The following PTPRT variants were observed in gnomAD, a reference collection of about 807,000 sequenced individuals.
The protein encoded by PTPRT is protein tyrosine phosphatase receptor type T.
Under a neutral mutation model 176.8 loss-of-function variants are expected in PTPRT, and 56 were observed. The observed-to-expected ratio is 0.32, with a 90% confidence interval of 0.26 to 0.40. PTPRT has a LOEUF of 0.40. Ranked by LOEUF, PTPRT falls within the 10% of genes least tolerant of loss-of-function variation. PTPRT has a pLI of 1.00. For synonymous variants in PTPRT, 783 were observed against 739.0 expected, an observed-to-expected ratio of 1.06 and a Z score of -0.96; for missense variants, 1,540 against 1,908.2, an observed-to-expected ratio of 0.81 and a Z score of 3.60.
At chr20:42,167,715 C>G (rs1038015886) in intron 16 of PTPRT, among the ~76,000 whole-genome samples, 2 of 152,208 alleles carry the variant, frequency 1.3e-5, no homozygotes, top group Non-Finnish European at 2.9e-5. Context: ...CTGGAACCAA[C>G]ACTGTGGGGA....
chr20:42,399,796 C>A (rs1175007419), intron 9 of PTPRT, among the ~76,000 whole-genome samples: 7 of 152,192 alleles, frequency 4.6e-5, no homozygotes, highest in African/African-American at 7.2e-5. Flanking sequence ...AGTACTACAA[C>A]AATGTGGGTT....
At chr20:42,160,291 G>T (rs2146497848) in intron 17 of PTPRT, among the ~76,000 whole-genome samples, 1 of 152,320 alleles carries the variant, frequency 6.6e-6, no homozygotes, top group East Asian at 1.9e-4. Flanking sequence ...TTCAAAGCTG[G>T]CTGCAGCTGG....
intron 2 of PTPRT, among the ~76,000 whole-genome samples, chr20:42,873,861 T>C (rs949532391): frequency 6.6e-5 from 10 of 152,220 alleles, no homozygotes; most frequent in African/African-American, 2.4e-4. Context: ...ATCTCAGCCA[T>C]CTTGTTTTTA....
chr20:42,444,697 C>T (rs925768704), intron 9 of PTPRT, among the ~76,000 whole-genome samples: 1 of 152,032 alleles, frequency 6.6e-6, no homozygotes, highest in Non-Finnish European at 1.5e-5. Flanking sequence ...TTGCATTATC[C>T]TATTTTTCTT....
rs62204915 is a variant in PTPRT, at chr20:42,474,929, G to C, written c.1154-2367C>G. ...ACTGATGCCAAGCCCCAATACAACA[G>C]TCACCCACATGGCACTCTCACCTCC... On this transcript the variant is annotated intron_variant, in intron 7 of 30. Transcript: ENST00000373187. Among the ~76,000 whole-genome samples, 1,207 of 152,206 alleles carry C rather than the reference G, an allele frequency of 7.9e-3. 11 individuals carry two copies. Among genetic ancestry groups the C allele is most frequent in the Middle Eastern group, 0.014 (4 of 294 alleles).
intron 26 of PTPRT, among the ~76,000 whole-genome samples, chr20:42,101,049 T>A (rs1985886791): frequency 6.6e-6 from 1 of 152,188 alleles, no homozygotes; most frequent in Non-Finnish European, 1.5e-5. Flanking sequence ...GGAGAAAGCA[T>A]CCCATGTTTC....
chr20:43,186,590 C>T (rs1284690826), intron 1 of PTPRT, among the ~76,000 whole-genome samples: 1 of 152,192 alleles, frequency 6.6e-6, no homozygotes, highest in African/African-American at 2.4e-5. Flanking sequence ...CTGACACCTT[C>T]AAGAGCTGTG....
intron 7 of PTPRT, among the ~76,000 whole-genome samples, chr20:42,640,697 T>A (rs62203848): frequency 6.6e-6 from 1 of 152,114 alleles, no homozygotes; most frequent in African/African-American, 2.4e-5. Flanking sequence ...AACACAAGTA[T>A]TGAAAATAAG....
intron 15 of PTPRT, among the ~76,000 whole-genome samples, chr20:42,227,411 A>G (rs562948004): frequency 2.0e-5 from 3 of 152,026 alleles, no homozygotes; most frequent in Non-Finnish European, 4.4e-5. Context: ...TGTTAGTGTC[A>G]CAAACAAGTG....
At chr20:43,185,182 C>T (rs1050010431) in intron 1 of PTPRT, among the ~76,000 whole-genome samples, 1 of 152,232 alleles carries the variant, frequency 6.6e-6, no homozygotes, top group Non-Finnish European at 1.5e-5. Context: ...AAGGTGTTTG[C>T]AAATGCTATT....
At chr20:43,113,504 G>C (rs953230251) in intron 1 of PTPRT, among the ~76,000 whole-genome samples, 1 of 152,092 alleles carries the variant, frequency 6.6e-6, no homozygotes, top group Non-Finnish European at 1.5e-5. Flanking sequence ...ATCTCTGTGT[G>C]ACAGAGTTTA....
intron 27 of PTPRT, among the ~76,000 whole-genome samples, chr20:42,091,382 T>A (rs2146165486): frequency 6.6e-6 from 1 of 152,344 alleles, no homozygotes; most frequent in East Asian, 1.9e-4. Flanking sequence ...CATGCTCCGA[T>A]GAGTTGAATG....
intron 1 of PTPRT, among the ~76,000 whole-genome samples, chr20:43,164,670 C>T (rs999093135): frequency 6.6e-5 from 10 of 152,218 alleles, no homozygotes; most frequent in Admixed American, 2.0e-4. Context: ...CTTTGCAGGG[C>T]ATACGGTTTC....
At chr20:43,002,208 C>T (rs1244322158) in intron 1 of PTPRT, among the ~76,000 whole-genome samples, 2 of 152,180 alleles carry the variant, frequency 1.3e-5, no homozygotes, top group African/African-American at 4.8e-5. Flanking sequence ...GCCATGCTTT[C>T]TGTTAAGCCT....
intron 2 of PTPRT, among the ~76,000 whole-genome samples, chr20:42,880,997 T>C (rs2079003420): frequency 6.6e-6 from 1 of 152,220 alleles, no homozygotes; most frequent in Non-Finnish European, 1.5e-5. Flanking sequence ...CTCTCTGGCC[T>C]GTCAGGACCC....
At chr20:43,056,381 T>C (rs1032896829) in intron 1 of PTPRT, among the ~76,000 whole-genome samples, 2 of 152,236 alleles carry the variant, frequency 1.3e-5, no homozygotes, top group Admixed American at 6.5e-5. Flanking sequence ...TGCTGTATGA[T>C]GCCACTTCTG....
intron 5 of PTPRT, among the ~76,000 whole-genome samples, chr20:42,770,779 C>G (rs2077051083): frequency 6.6e-6 from 1 of 152,254 alleles, no homozygotes; most frequent in Admixed American, 6.5e-5. Flanking sequence ...CCCTAGTAAT[C>G]TGCAATTAAA....
At chr20:43,159,007 G>A (rs1158488648) in intron 1 of PTPRT, among the ~76,000 whole-genome samples, 1 of 152,218 alleles carries the variant, frequency 6.6e-6, no homozygotes, top group Non-Finnish European at 1.5e-5. Context: ...GACTTAAGAT[G>A]AGGATAAGGG....
rs1600443102 is a variant in PTPRT, at chr20:42,073,314, A to G, written c.*7565T>C. 1 of 189,040 alleles carries G rather than the reference A, an allele frequency of 5.3e-6. No individual in the cohort carries two copies. Among genetic ancestry groups the G allele is most frequent in the East Asian group, 8.5e-5 (1 of 11,796 alleles). The allele number at this position is 189,040 out of a possible 1,614,324, so 11.7% of individuals were successfully genotyped here. ...AAAGTGCTTTTGAGTATGATTACCA[A>G]TATGGGTTAACCCGGATTTACATGG... On this transcript the variant is annotated 3_prime_UTR_variant, in exon 31 of 31. Coordinates refer to ENST00000373187, the MANE Select transcript of PTPRT (RefSeq NM_007050.6).
Sources: allele counts gnomAD v4.1 joint callset (sites outside exome capture counted in the v4.1 genomes callset), GRCh38; gene constraint gnomAD v4.1.1; transcripts MANE v1.5; gene names NCBI Gene and HGNC (gene_info 2026-07-23, HGNC 2026-07-21).